Variants in NRG1 observed in about 807,000 individuals in gnomAD.
The protein encoded by NRG1 is pro-neuregulin-1, membrane-bound isoform.
Under a neutral mutation model 63.8 loss-of-function variants are expected in NRG1, and 18 were observed. That is an observed-to-expected ratio of 0.28 (90% CI 0.19 to 0.42). The LOEUF is 0.42. Among genes scored for constraint, NRG1 ranks in the 10% least tolerant of loss-of-function variants. NRG1 has a pLI of 1.00. For missense variants in NRG1, 762 were observed against 814.7 expected (o/e 0.94, Z 0.79); for synonymous variants, 302 against 301.3 (o/e 1.00, Z -0.02).
intron 1 of NRG1, among the ~76,000 whole-genome samples, chr8:32,389,703 A>G (rs1726206726): frequency 6.6e-6 from 1 of 151,664 alleles, no homozygotes; most frequent in Non-Finnish European, 1.5e-5. Flanking sequence ...TATTGCTTCC[A>G]ATGTTGTACA....
intron 1 of NRG1, among the ~76,000 whole-genome samples, chr8:32,487,249 G>A (rs983274285): frequency 6.6e-6 from 1 of 151,788 alleles, no homozygotes; most frequent in Non-Finnish European, 1.5e-5. Flanking sequence ...GGGTAAAAAC[G>A]AGTTCTGACT....
At chr8:31,671,889 CAT>C (rs958699405) in intron 1 of NRG1, among the ~76,000 whole-genome samples, 29 of 152,074 alleles carry the variant, frequency 1.9e-4, no homozygotes, top group African/African-American at 6.7e-4. Context: ...GTTCTCAAGA[CAT>C]ATGTTAGGTC....
intron 1 of NRG1, among the ~76,000 whole-genome samples, chr8:32,062,387 C>T (rs1031898849): frequency 3.3e-5 from 5 of 151,918 alleles, no homozygotes; most frequent in South Asian, 4.1e-4. Context: ...TTTTTTCAGA[C>T]GTCAGAGTTG....
intron 1 of NRG1, among the ~76,000 whole-genome samples, chr8:31,667,431 G>T (rs1035989042): frequency 6.6e-6 from 1 of 152,204 alleles, no homozygotes. Context: ...CTGCTCCTCA[G>T]TGGTTGCAGT....
chr8:31,811,170 A>AC (rs1387091711), intron 1 of NRG1, among the ~76,000 whole-genome samples: 1 of 152,186 alleles, frequency 6.6e-6, no homozygotes, highest in African/African-American at 2.4e-5. Context: ...AGCTGTTCAC[A>AC]CCATGGTCCT....
intron 1 of NRG1, among the ~76,000 whole-genome samples, chr8:32,433,446 C>T (rs150364625): frequency 3.0e-4 from 45 of 152,170 alleles, no homozygotes; most frequent in African/African-American, 1.1e-3. Flanking sequence ...TAGCATGCCT[C>T]AGGAAATGGG....
intron 6 of NRG1, among the ~76,000 whole-genome samples, chr8:32,735,906 T>A (rs1824927478): frequency 6.6e-6 from 1 of 152,124 alleles, no homozygotes; most frequent in Admixed American, 6.6e-5. Context: ...AAGTTAGGTT[T>A]GGTTTGGTTT....
intron 1 of NRG1, among the ~76,000 whole-genome samples, chr8:31,987,766 TAG>T (rs1309532552): frequency 6.6e-6 from 1 of 152,076 alleles, no homozygotes; most frequent in Non-Finnish European, 1.5e-5. Flanking sequence ...AAAAAAGGGA[TAG>T]ATGTTAGATT....
chr8:32,046,420 A>G (rs1011073062), intron 1 of NRG1, among the ~76,000 whole-genome samples: 1 of 152,120 alleles, frequency 6.6e-6, no homozygotes, highest in Non-Finnish European at 1.5e-5. Context: ...AATGCTTATC[A>G]TATGACCCAT....
At chr8:32,631,809 G>A (rs1007864701) in intron 5 of NRG1, among the ~76,000 whole-genome samples, 14 of 152,114 alleles carry the variant, frequency 9.2e-5, no homozygotes, top group South Asian at 2.1e-4. Flanking sequence ...TTGAGACTCC[G>A]TTGCTCATAA....
At chr8:31,898,002 A>G (rs1442032772) in intron 1 of NRG1, among the ~76,000 whole-genome samples, 1 of 128,488 alleles carries the variant, frequency 7.8e-6, no homozygotes, top group African/African-American at 2.8e-5. Context: ...GGGTGACAAG[A>G]GTGAAATTCT....
chr8:32,359,597 G>C (rs1806948975), intron 1 of NRG1, among the ~76,000 whole-genome samples: 1 of 152,106 alleles, frequency 6.6e-6, no homozygotes, highest in East Asian at 1.9e-4. Context: ...AAATATGCAG[G>C]ATAAGATAAT....
intron 7 of NRG1, among the ~76,000 whole-genome samples, chr8:32,752,598 G>T (rs1187004454): frequency 6.6e-6 from 1 of 152,058 alleles, no homozygotes; most frequent in Non-Finnish European, 1.5e-5. Flanking sequence ...CCTCCCTCTG[G>T]TTTTCTTTTC....
At chr8:32,492,530 A>G (rs10503918) in intron 1 of NRG1, among the ~76,000 whole-genome samples, 96,479 of 151,728 alleles carry the variant, frequency 0.64, 30,963 homozygotes, top group East Asian at 0.79. Flanking sequence ...GAAACACTCC[A>G]AAGACTTGAT....
At chr8:31,911,955 G>A (rs1039694756) in intron 1 of NRG1, among the ~76,000 whole-genome samples, 5 of 151,978 alleles carry the variant, frequency 3.3e-5, no homozygotes, top group East Asian at 1.9e-4. Flanking sequence ...TTGCAGTCCC[G>A]GATTCATTGG....
At chr8:31,763,050 AC>A (rs1817711259) in intron 1 of NRG1, among the ~76,000 whole-genome samples, 1 of 152,222 alleles carries the variant, frequency 6.6e-6, no homozygotes, top group Admixed American at 6.5e-5. Flanking sequence ...ATCATATTTA[AC>A]AGAATAAAGG....
At chr8:32,608,102 T>TTG (rs1845645043) in intron 3 of NRG1, among the ~76,000 whole-genome samples, 3 of 116,228 alleles carry the variant, frequency 2.6e-5, no homozygotes, top group African/African-American at 1.1e-4. Flanking sequence ...GTTTTTTTTT[T>TTG]TTTTGTTTTT....
chr8:31,875,397 A>G (rs892068662), intron 1 of NRG1, among the ~76,000 whole-genome samples: 2 of 152,190 alleles, frequency 1.3e-5, no homozygotes, highest in Non-Finnish European at 2.9e-5. Flanking sequence ...CTATAAAGAA[A>G]GGCCACTTTA....
chr8:32,233,451 T>C (rs1241817686), intron 1 of NRG1, among the ~76,000 whole-genome samples: 1 of 149,116 alleles, frequency 6.7e-6, no homozygotes, highest in Non-Finnish European at 1.5e-5. Flanking sequence ...CTTTCACATA[T>C]GAAAAGGCTA....
Sources: allele counts gnomAD v4.1 joint callset (sites outside exome capture counted in the v4.1 genomes callset), GRCh38; gene constraint gnomAD v4.1.1; transcripts MANE v1.5; gene names NCBI Gene and HGNC (gene_info 2026-07-23, HGNC 2026-07-21).